Variants in FSIP1 observed in about 807,000 individuals in gnomAD.
FSIP1 encodes the protein fibrous sheath interacting protein 1, also known as fibrous sheath-interacting protein 1.
Under a neutral mutation model 60.9 loss-of-function variants are expected in FSIP1, and 65 were observed. The observed-to-expected ratio is 1.07, with a 90% CI of 0.87 to 1.31. FSIP1 has a LOEUF of 1.31. Ranked by LOEUF, FSIP1 falls within the 40% of genes most tolerant of loss-of-function variation. The pLI is 0.00. For synonymous variants in FSIP1, 209 were observed against 221.2 expected (o/e 0.94, Z 0.49); for missense variants, 675 against 665.5 (o/e 1.01, Z -0.16).
chr15:39,627,225 T>C (rs977391574), intron 10 of FSIP1, among the ~76,000 whole-genome samples: 12 of 152,216 alleles, frequency 7.9e-5, no homozygotes, highest in Non-Finnish European at 1.3e-4. Context: ...GGCTGAGCAC[T>C]TGCCTGCTGC....
Position 39,770,426 on chromosome 15 carries a change from C to A in FSIP1, c.310+1G>T. 1 of 1,583,030 alleles carries A rather than the reference C, an allele frequency of 6.3e-7. No homozygotes were observed. The highest frequency in any genetic ancestry group is 1.2e-5 in the South Asian group (1 of 84,684). ...AGCCAATCACCTAGTGATTATCCTA[C>A]CTGAACACTCAGAGATTATCTGATG... On this transcript the variant is annotated splice_donor_variant, in intron 3 of 11. Transcript: ENST00000350221. LOFTEE classifies it high-confidence loss of function.
At chr15:39,607,112 G>C (rs1449027163) in intron 11 of FSIP1, among the ~76,000 whole-genome samples, 1 of 152,174 alleles carries the variant, frequency 6.6e-6, no homozygotes, top group Non-Finnish European at 1.5e-5. Context: ...GGGAAGCTAA[G>C]TTTGGGAGAT....
intron 9 of FSIP1, among the ~76,000 whole-genome samples, chr15:39,719,413 T>C (rs1595658382): frequency 6.6e-6 from 1 of 152,254 alleles, no homozygotes; most frequent in Non-Finnish European, 1.5e-5. Flanking sequence ...GATCAATAGA[T>C]ACTTGTTGAT....
At chr15:39,699,705 G>A (rs1266337341) in intron 10 of FSIP1, among the ~76,000 whole-genome samples, 2 of 152,066 alleles carry the variant, frequency 1.3e-5, no homozygotes, top group Non-Finnish European at 2.9e-5. Flanking sequence ...ATGTGAAAAC[G>A]AGTTTCTTCC....
intron 10 of FSIP1, among the ~76,000 whole-genome samples, chr15:39,668,357 C>A (rs1469142286): frequency 6.6e-6 from 1 of 152,122 alleles, no homozygotes; most frequent in African/African-American, 2.4e-5. Flanking sequence ...CTTGCAGAAG[C>A]AATTTCTCCA....
chr15:39,669,660 A>G (rs1319281574), intron 10 of FSIP1, among the ~76,000 whole-genome samples: 1 of 152,234 alleles, frequency 6.6e-6, no homozygotes, highest in Admixed American at 6.5e-5. Context: ...TTTATCCCAG[A>G]TAACTTTGGA....
At chr15:39,662,168 T>C (rs1013181292) in intron 10 of FSIP1, among the ~76,000 whole-genome samples, 9 of 152,076 alleles carry the variant, frequency 5.9e-5, no homozygotes, top group African/African-American at 2.2e-4. Context: ...GGGAAAGGGC[T>C]GTGAGGAGGG....
chr15:39,705,340 T>A (rs1037845866), intron 10 of FSIP1, among the ~76,000 whole-genome samples: 6 of 152,132 alleles, frequency 3.9e-5, no homozygotes, highest in Non-Finnish European at 7.4e-5. Flanking sequence ...AAACAAAAAA[T>A]CTTTATTGTC....
chr15:39,617,166 TAC>T, intron 11 of FSIP1, among the ~76,000 whole-genome samples: 1 of 152,320 alleles, frequency 6.6e-6, no homozygotes, highest in South Asian at 2.1e-4. Context: ...CACCAATTGT[TAC>T]ACAGATTTCT....
At chr15:39,738,041 T>C in intron 8 of FSIP1, 50 bp downstream of exon 8, 1 of 1,049,018 alleles carries the variant, frequency 9.5e-7, no homozygotes, top group Non-Finnish European at 1.4e-6. Context: ...AATATTATTT[T>C]TTAAAATCTA....
chr15:39,732,758 G>T (rs1014737188), intron 8 of FSIP1, among the ~76,000 whole-genome samples: 4 of 151,744 alleles, frequency 2.6e-5, no homozygotes, highest in African/African-American at 9.7e-5. Flanking sequence ...ATTTGTCAAA[G>T]ATGAGGTTGT....
intron 8 of FSIP1, among the ~76,000 whole-genome samples, chr15:39,735,985 A>G (rs779590414): frequency 2.0e-5 from 3 of 152,212 alleles, no homozygotes; most frequent in Non-Finnish European, 2.9e-5. Flanking sequence ...TCCTATGATA[A>G]CAATGCCTGC....
intron 9 of FSIP1, among the ~76,000 whole-genome samples, chr15:39,718,327 T>G (rs1386831723): frequency 2.0e-5 from 3 of 152,006 alleles, no homozygotes; most frequent in Non-Finnish European, 4.4e-5. Context: ...TATATATGTG[T>G]GTATATATAT....
At chr15:39,621,109 C>T (rs995150542) in intron 10 of FSIP1, among the ~76,000 whole-genome samples, 2 of 149,006 alleles carry the variant, frequency 1.3e-5, no homozygotes, top group East Asian at 1.9e-4. Flanking sequence ...GGTACAAAAG[C>T]GAGTTTCTTT....
At chr15:39,660,712 T>C (rs991369591) in intron 10 of FSIP1, among the ~76,000 whole-genome samples, 2 of 152,246 alleles carry the variant, frequency 1.3e-5, no homozygotes, top group African/African-American at 2.4e-5. Context: ...ATTTTTAATA[T>C]CTTCATGCTA....
intron 10 of FSIP1, among the ~76,000 whole-genome samples, chr15:39,706,249 C>T (rs1436440291): frequency 6.6e-6 from 1 of 152,086 alleles, no homozygotes. Flanking sequence ...CATATTATAG[C>T]TGTTGTTACA....
At chr15:39,599,324 T>C (rs1161746488), downstream of FSIP1, 2 of 152,236 alleles carry the variant, frequency 1.3e-5, no homozygotes, top group African/African-American at 4.8e-5. Flanking sequence ...ACCTCTTTTA[T>C]GGCAGAATTC....
chr15:39,663,380 T>G (rs74447923), intron 10 of FSIP1, among the ~76,000 whole-genome samples: 24,405 of 152,100 alleles, frequency 0.16, 2,166 homozygotes, highest in African/African-American at 0.2. Context: ...AAATAGTATA[T>G]AAATCTTAAT....
At chr15:39,623,659 C>T (rs899527713) in intron 10 of FSIP1, among the ~76,000 whole-genome samples, 5 of 152,100 alleles carry the variant, frequency 3.3e-5, no homozygotes, top group African/African-American at 1.2e-4. Context: ...GGAACAGAAA[C>T]CCTTATGTCA....
Sources: allele counts gnomAD v4.1 joint callset (sites outside exome capture counted in the v4.1 genomes callset), GRCh38; gene constraint gnomAD v4.1.1; transcripts MANE v1.5; gene names NCBI Gene and HGNC (gene_info 2026-07-23, HGNC 2026-07-21).